PPP2R2D: variants seen among roughly 807,000 people sequenced by gnomAD.
PPP2R2D encodes serine/threonine-protein phosphatase 2A 55 kDa regulatory subunit B delta isoform.
A neutral mutation model predicts 31.1 loss-of-function variants in PPP2R2D; 9 were observed. That is an observed-to-expected ratio of 0.29 (90% CI 0.17 to 0.51). The LOEUF is 0.51. Ranked by LOEUF, PPP2R2D falls within the 20% of genes least tolerant of loss-of-function variation. The probability of loss-of-function intolerance (pLI) is 0.98; values close to 1 mark genes in which losing one functional copy is unlikely to be tolerated. For synonymous variants in PPP2R2D, 179 were observed against 172.6 expected (o/e 1.04, Z -0.29); for missense variants, 391 against 465.6 (o/e 0.84, Z 1.48).
downstream of PPP2R2D, among the ~76,000 whole-genome samples, chr10:131,962,966 C>T (rs1253723536): frequency 7.9e-5 from 12 of 152,184 alleles, no homozygotes; most frequent in Admixed American, 7.9e-4. Flanking sequence ...AGTTCAAGAC[C>T]AGCCTGGCCA....
intron 8 of PPP2R2D, among the ~76,000 whole-genome samples, chr10:131,955,354 C>T (rs1255296526): frequency 1.3e-5 from 2 of 152,018 alleles, no homozygotes; most frequent in East Asian, 3.8e-4. Context: ...AATTGCAGAA[C>T]ATAAGGCTTA....
chr10:131,903,897 T>C (rs1378703008), intron 2 of PPP2R2D, among the ~76,000 whole-genome samples: 1 of 151,950 alleles, frequency 6.6e-6, no homozygotes, highest in African/African-American at 2.4e-5. Context: ...GAGGGAGAGA[T>C]GTTGGTGAGA....
chr10:131,916,021 A>G (rs1225015733), intron 2 of PPP2R2D, among the ~76,000 whole-genome samples: 1 of 152,240 alleles, frequency 6.6e-6, no homozygotes, highest in Non-Finnish European at 1.5e-5. Flanking sequence ...GTATCAGCAT[A>G]CGGCTTTCTG....
At chr10:131,931,069 C>T (rs933544782) in intron 2 of PPP2R2D, among the ~76,000 whole-genome samples, 2 of 152,216 alleles carry the variant, frequency 1.3e-5, no homozygotes, top group Non-Finnish European at 2.9e-5. Flanking sequence ...CCCACTCACC[C>T]GCAGGGGCTT....
the PPP2R2D span, among the ~76,000 whole-genome samples, chr10:131,965,045 C>T: frequency 6.6e-6 from 1 of 152,012 alleles, no homozygotes; most frequent in Non-Finnish European, 1.5e-5. Flanking sequence ...ATAAAGTATA[C>T]TATATATATA....
intron 2 of PPP2R2D, among the ~76,000 whole-genome samples, chr10:131,918,627 A>ACG (rs2035880856): frequency 8.1e-6 from 1 of 124,004 alleles, no homozygotes. Flanking sequence ...GACCTCAGGC[A>ACG]GGTGGAATGA....
chr10:131,951,037 AAAC>A (rs1382364428), intron 8 of PPP2R2D, among the ~76,000 whole-genome samples: 4 of 152,368 alleles, frequency 2.6e-5, no homozygotes, highest in African/African-American at 7.2e-5. Flanking sequence ...AGAAGGTGGC[AAAC>A]AACTCAGAAA....
intron 2 of PPP2R2D, among the ~76,000 whole-genome samples, chr10:131,902,380 T>C (rs953795787): frequency 6.6e-6 from 1 of 152,128 alleles, no homozygotes; most frequent in African/African-American, 2.4e-5. Flanking sequence ...CCGTGAACTT[T>C]TACTCCCTCT....
At chr10:131,941,222 T>C (rs1329346191) in intron 5 of PPP2R2D, among the ~76,000 whole-genome samples, 1 of 152,250 alleles carries the variant, frequency 6.6e-6, no homozygotes, top group Non-Finnish European at 1.5e-5. Flanking sequence ...AATTATTTGC[T>C]CCATTGTTGG....
At chr10:131,934,664 C>T in intron 3 of PPP2R2D, 109 bp downstream of exon 3, 1 of 695,448 alleles carries the variant, frequency 1.4e-6, no homozygotes, top group Admixed American at 2.0e-5. Flanking sequence ...CATTAAGATT[C>T]AGTTCCATCA....
At chr10:131,960,888 CA>C (rs2036912255), downstream of PPP2R2D, among the ~76,000 whole-genome samples, 1 of 152,284 alleles carries the variant, frequency 6.6e-6, no homozygotes, top group Middle Eastern at 3.4e-3. Context: ...GAGCTGCAGG[CA>C]AAGGGACAGG....
rs1554900558 is a variant in PPP2R2D, at chr10:131,958,127, C to G, written c.*2164C>G. ...GTGGAGATGAAGGTGTGTGCTGATC[C>G]CCGTCCCCCTGTGGAGATGAAGGGG... On this transcript the variant is annotated 3_prime_UTR_variant, in exon 9 of 9. Coordinates refer to ENST00000455566, the MANE Select transcript of PPP2R2D (RefSeq NM_018461.5). 1 of 171,360 alleles carries G rather than the reference C, an allele frequency of 5.8e-6. No individual in the cohort carries two copies. The highest frequency in any genetic ancestry group is 2.6e-5 in the African/African-American group (1 of 38,654). 10.6% of individuals were successfully genotyped at this position (171,360 alleles called of 1,614,324 possible).
At chr10:131,928,852 G>A (rs2036154632) in intron 2 of PPP2R2D, among the ~76,000 whole-genome samples, 1 of 152,246 alleles carries the variant, frequency 6.6e-6, no homozygotes, top group African/African-American at 2.4e-5. Flanking sequence ...GGGGAGACGG[G>A]TCAGACGGGT....
chr10:131,941,020 G>A (rs1361480031), intron 5 of PPP2R2D, among the ~76,000 whole-genome samples: 6 of 152,192 alleles, frequency 3.9e-5, no homozygotes, highest in Admixed American at 3.9e-4. Context: ...CTGGGAGGTT[G>A]GAGTTCAGAT....
chr10:131,964,866 A>T, the PPP2R2D span, among the ~76,000 whole-genome samples: 2 of 151,906 alleles, frequency 1.3e-5, no homozygotes, highest in African/African-American at 4.8e-5. Context: ...TGAAGCATTA[A>T]TGTGGTTCTA....
chr10:131,948,030 A>C (rs1462313270), intron 8 of PPP2R2D, among the ~76,000 whole-genome samples: 2 of 152,250 alleles, frequency 1.3e-5, no homozygotes, highest in Non-Finnish European at 2.9e-5. Context: ...AGCACTAGGT[A>C]CAGGCCGGCT....
chr10:131,962,239 T>C (rs781976911), downstream of PPP2R2D, among the ~76,000 whole-genome samples: 1 of 152,200 alleles, frequency 6.6e-6, no homozygotes, highest in Non-Finnish European at 1.5e-5. Flanking sequence ...ATGCTGAGGT[T>C]AGAACTGAAA....
chr10:131,915,215 C>G (rs1554892907), intron 2 of PPP2R2D, among the ~76,000 whole-genome samples: 1 of 151,742 alleles, frequency 6.6e-6, no homozygotes, highest in Non-Finnish European at 1.5e-5. Context: ...AACAAAAACT[C>G]AGCTAGTAAT....
intron 2 of PPP2R2D, among the ~76,000 whole-genome samples, chr10:131,910,013 G>T (rs1475446950): frequency 1.3e-5 from 2 of 152,194 alleles, no homozygotes; most frequent in African/African-American, 4.8e-5. Flanking sequence ...TCTGCATTCC[G>T]TGTGTTCCAG....
Sources: allele counts gnomAD v4.1 joint callset (sites outside exome capture counted in the v4.1 genomes callset), GRCh38; gene constraint gnomAD v4.1.1; transcripts MANE v1.5; gene names NCBI Gene and HGNC (gene_info 2026-07-23, HGNC 2026-07-21).